The following RBM47 variants were observed in gnomAD, a reference collection of about 807,000 sequenced individuals.
The protein encoded by RBM47 is RNA-binding protein 47.
A neutral mutation model predicts 47.1 loss-of-function variants in RBM47; 21 were observed. The observed-to-expected ratio is 0.45, with a 90% CI of 0.32 to 0.64. The LOEUF (loss-of-function observed/expected upper bound fraction) is 0.64, where lower values mean the gene tolerates loss of function less well. Among genes scored for constraint, RBM47 ranks in the 30% least tolerant of loss-of-function variants. The pLI is 0.05. For synonymous variants in RBM47, 375 were observed against 361.7 expected, an observed-to-expected ratio of 1.04 and a Z score of -0.42; for missense variants, 708 against 870.9, an observed-to-expected ratio of 0.81 and a Z score of 2.35.
intron 1 of RBM47, among the ~76,000 whole-genome samples, chr4:40,557,294 G>C (rs888672227): frequency 2.6e-5 from 4 of 152,128 alleles, no homozygotes; most frequent in African/African-American, 9.7e-5. Context: ...CCTTTGAGCA[G>C]TCATCGTGGG....
chr4:40,619,522 C>T (rs1417830227), intron 1 of RBM47, among the ~76,000 whole-genome samples: 1 of 152,106 alleles, frequency 6.6e-6, no homozygotes, highest in African/African-American at 2.4e-5. Flanking sequence ...CTCAGTAATC[C>T]CCATAACCCT....
At chr4:40,567,026 G>C (rs1197393842) in intron 1 of RBM47, among the ~76,000 whole-genome samples, 1 of 151,842 alleles carries the variant, frequency 6.6e-6, no homozygotes, top group East Asian at 1.9e-4. Context: ...TCTGAAGATG[G>C]TGTGAGCTGG....
At chr4:40,571,076 C>T (rs1016642741) in intron 1 of RBM47, among the ~76,000 whole-genome samples, 1 of 151,856 alleles carries the variant, frequency 6.6e-6, no homozygotes, top group Non-Finnish European at 1.5e-5. Flanking sequence ...ATTAACAGGG[C>T]GTGGTGGTAC....
At chr4:40,512,356 G>T (rs1439673047) in intron 2 of RBM47, among the ~76,000 whole-genome samples, 1 of 141,620 alleles carries the variant, frequency 7.1e-6, no homozygotes, top group Non-Finnish European at 1.5e-5. Flanking sequence ...GGAGGTTGCA[G>T]AGAGCCGAGA....
chr4:40,568,976 T>C (rs891235359), intron 1 of RBM47, among the ~76,000 whole-genome samples: 5 of 149,504 alleles, frequency 3.3e-5, no homozygotes, highest in Non-Finnish European at 7.4e-5. Flanking sequence ...AGTGAGACTC[T>C]GTCTCAAAAG....
At chr4:40,539,481 C>T (rs1181948033) in intron 2 of RBM47, among the ~76,000 whole-genome samples, 2 of 152,040 alleles carry the variant, frequency 1.3e-5, no homozygotes, top group East Asian at 1.9e-4. Context: ...TGACTCGTGC[C>T]TGTAATCCCA....
intron 5 of RBM47, among the ~76,000 whole-genome samples, chr4:40,435,993 C>T (rs1390759369): frequency 1.2e-5 from 1 of 86,948 alleles, no homozygotes; most frequent in African/African-American, 4.1e-5. Flanking sequence ...CCCATCTCTA[C>T]TAAAAATACA....
At chr4:40,434,002 G>GGGGGT (rs1213913858) in intron 5 of RBM47, among the ~76,000 whole-genome samples, 4 of 45,632 alleles carry the variant, frequency 8.8e-5, no homozygotes, top group African/African-American at 2.1e-4. Flanking sequence ...GTGGGGCGGG[G>GGGGGT]GTGTGTGTGT....
At chr4:40,538,355 T>A (rs1577912537) in intron 2 of RBM47, among the ~76,000 whole-genome samples, 2 of 133,724 alleles carry the variant, frequency 1.5e-5, no homozygotes, top group Admixed American at 1.6e-4. Context: ...TGAGACAGAG[T>A]CTTGCTCTGT....
At chr4:40,430,046 T>C (rs1715695612) in intron 6 of RBM47, among the ~76,000 whole-genome samples, 1 of 151,708 alleles carries the variant, frequency 6.6e-6, no homozygotes, top group Admixed American at 6.6e-5. Flanking sequence ...ATACAAAAAA[T>C]TAGCCAGGCA....
intron 2 of RBM47, among the ~76,000 whole-genome samples, chr4:40,487,292 T>G (rs1229765917): frequency 1.3e-5 from 2 of 150,182 alleles, no homozygotes; most frequent in Non-Finnish European, 1.5e-5. Context: ...TACATCATCA[T>G]TTCTTTTCTT....
intron 1 of RBM47, among the ~76,000 whole-genome samples, chr4:40,576,264 G>GGC (rs56294458): frequency 0.18 from 24,202 of 135,826 alleles, 2,507 homozygotes; most frequent in Admixed American, 0.25. Flanking sequence ...TTTGGGGGGG[G>GGC]GCGGAGACAG....
At chr4:40,598,553 A>G (rs140410617) in intron 1 of RBM47, among the ~76,000 whole-genome samples, 1,894 of 152,256 alleles carry the variant, frequency 0.012, 11 homozygotes, top group Middle Eastern at 0.027. Flanking sequence ...CCCGGCCCCA[A>G]TCATAGAACT....
intron 1 of RBM47, among the ~76,000 whole-genome samples, chr4:40,605,676 C>T (rs1735697084): frequency 6.7e-6 from 1 of 149,866 alleles, no homozygotes; most frequent in South Asian, 2.1e-4. Context: ...ACTAAAAATA[C>T]AAAAATTAGC....
At chr4:40,627,433 C>T (rs532558684) in intron 1 of RBM47, among the ~76,000 whole-genome samples, 2 of 152,284 alleles carry the variant, frequency 1.3e-5, no homozygotes, top group Admixed American at 6.5e-5. Context: ...ACGCTTATAT[C>T]CACTCCCCTG....
chr4:40,536,665 C>T (rs147125393), intron 2 of RBM47, among the ~76,000 whole-genome samples: 198 of 151,856 alleles, frequency 1.3e-3, no homozygotes, highest in African/African-American at 4.4e-3. Flanking sequence ...TTGGTTGAGT[C>T]ATGGCTCATA....
At chr4:40,576,266 C>G (rs1181686382) in intron 1 of RBM47, among the ~76,000 whole-genome samples, 33 of 98,760 alleles carry the variant, frequency 3.3e-4, no homozygotes, top group African/African-American at 6.4e-4. Flanking sequence ...TGGGGGGGGG[C>G]GGAGACAGGG....
rs1738037809 is a variant in RBM47, at chr4:40,629,533, G to A, written c.-377C>T. On this transcript the variant is annotated 5_prime_UTR_variant, in exon 1 of 7. Coordinates refer to ENST00000295971, the MANE Select transcript of RBM47 (RefSeq NM_001098634.2). ...CTTTTTAATGTAAAACCAAAATAAG[G>A]AGTGTCCAGCGACTCCCCACCGCGC... The A allele has an allele frequency of 6.6e-6, 1 of 152,156 alleles. No individual in the cohort carries two copies. Among genetic ancestry groups the A allele is most frequent in the African/African-American group, 2.4e-5 (1 of 41,420 alleles). 9.4% of individuals were successfully genotyped at this position (152,156 alleles called of 1,614,324 possible).
intron 1 of RBM47, among the ~76,000 whole-genome samples, chr4:40,552,754 TCAC>T (rs1320887542): frequency 1.3e-5 from 2 of 152,188 alleles, no homozygotes; most frequent in African/African-American, 4.8e-5. Context: ...TCCATCAACC[TCAC>T]AGTGCTGGCT....
Sources: allele counts gnomAD v4.1 joint callset (sites outside exome capture counted in the v4.1 genomes callset), GRCh38; gene constraint gnomAD v4.1.1; transcripts MANE v1.5; gene names NCBI Gene and HGNC (gene_info 2026-07-23, HGNC 2026-07-21).